Variants in ESRP1 observed in about 807,000 individuals in gnomAD.
ESRP1 encodes RNA-binding motif protein 35A.
In ESRP1, 33 loss-of-function variants were observed where a neutral mutation model predicts 81.7. The observed-to-expected ratio is 0.40, with a 90% CI of 0.31 to 0.54. The LOEUF is 0.54. ESRP1 is among the 20% of genes least tolerant of loss of function. The pLI is 0.41. For missense variants in ESRP1, 672 were observed against 833.1 expected, an observed-to-expected ratio of 0.81 and a Z score of 2.38; for synonymous variants, 320 against 303.3, an observed-to-expected ratio of 1.06 and a Z score of -0.57.
intron 14 of ESRP1, among the ~76,000 whole-genome samples, chr8:94,694,282 G>A (rs1247366884): frequency 6.6e-6 from 1 of 152,158 alleles, no homozygotes; most frequent in Non-Finnish European, 1.5e-5. Context: ...ATATAAATTA[G>A]TAATGAGATT....
chr8:94,660,112 A>G (rs1818641481), intron 4 of ESRP1, among the ~76,000 whole-genome samples: 1 of 152,248 alleles, frequency 6.6e-6, no homozygotes, highest in Non-Finnish European at 1.5e-5. Flanking sequence ...AGGCAGCTAC[A>G]CTAAGCAGAT....
intron 13 of ESRP1, among the ~76,000 whole-genome samples, chr8:94,691,254 T>A (rs779247554): frequency 4.6e-5 from 7 of 152,158 alleles, no homozygotes; most frequent in Admixed American, 1.3e-4. Context: ...TATCTCATAA[T>A]AGAGAGTTGT....
Position 94,662,780 on chromosome 8 carries a change from T to C in ESRP1, c.644+225T>C, listed in dbSNP as rs571820939. Among the ~76,000 whole-genome samples, 9 of 152,250 alleles carry C rather than the reference T, an allele frequency of 5.9e-5. No homozygotes were observed. The East Asian group carries it at 1.7e-3, about 29-fold the overall frequency. On this transcript the variant is annotated intron_variant, in intron 6 of 15. Coordinates refer to ENST00000433389, the MANE Select transcript of ESRP1 (RefSeq NM_017697.4). ...CCGCTACCATACCTGGCTAATTTTTTTGTAGTTTTAGTAGAGATGGGGTTT... is the reference window on the plus strand; with the variant it reads ...CCGCTACCATACCTGGCTAATTTTTCTGTAGTTTTAGTAGAGATGGGGTTT...
At chr8:94,689,855 C>T (rs1164203792) in intron 13 of ESRP1, among the ~76,000 whole-genome samples, 4 of 103,760 alleles carry the variant, frequency 3.9e-5, no homozygotes, top group African/African-American at 1.1e-4. Context: ...CTTGCTCTGT[C>T]GCCCAGGCTG....
intron 10 of ESRP1, among the ~76,000 whole-genome samples, chr8:94,668,789 A>ATGTGTGTGTG (rs71303426): frequency 7.7e-5 from 11 of 143,768 alleles, no homozygotes; most frequent in East Asian, 2.1e-4. Context: ...AGCTTTCAGC[A>ATGTGTGTGTG]TGTGTGTGTG....
intron 9 of ESRP1, among the ~76,000 whole-genome samples, chr8:94,667,068 G>GGTGTGTGTGTGTGTGTGTGT (rs1163646804): frequency 0.014 from 1,956 of 144,270 alleles, 34 homozygotes; most frequent in African/African-American, 0.046. Context: ...CCAGGAGAGG[G>GGTGTGTGTGTGTGTGTGTGT]GTGTGTGTGT....
At chr8:94,688,430 T>G in intron 13 of ESRP1, 1 of 275,920 alleles carries the variant, frequency 3.6e-6, no homozygotes, top group Non-Finnish European at 7.1e-6. Flanking sequence ...CACAGGCAAG[T>G]TAAACAAGTG....
At chr8:94,660,743 A>AC (rs1563525304) in intron 4 of ESRP1, among the ~76,000 whole-genome samples, 2 of 110,984 alleles carry the variant, frequency 1.8e-5, no homozygotes, top group African/African-American at 3.0e-5. Context: ...AAAAAAAAAA[A>AC]CCAAAACAAA....
Position 94,671,519 on chromosome 8 carries a change from C to T in ESRP1, c.1300C>T (p.Pro434Ser), listed in dbSNP as rs762817847. 7 of 1,613,970 alleles carry T rather than the reference C, an allele frequency of 4.3e-6. No homozygotes were observed. Among genetic ancestry groups the T allele is most frequent in the Non-Finnish European group, 5.9e-6 (7 of 1,179,862 alleles). Residue 434 changes from proline to serine, a missense_variant, in exon 11 of 16, where the codon CCT (proline) becomes TCT (serine). Pro to Ser is a moderately conservative substitution (Grantham distance 74). Transcript: ENST00000433389. ...LPTPPIIPVL[P>S]QQFVPPTNVR... ...AACCCCTCCCATTATTCCAGTACTA[C>T]CTCAGCAATTTGTGCCCCCTACAAA... is the stretch of plus-strand genomic sequence containing the variant.
rs549995604 is a variant in ESRP1, at chr8:94,685,075, A to T, written c.1820+6704A>T. Among the ~76,000 whole-genome samples, 4 of 152,054 alleles carry T rather than the reference A, an allele frequency of 2.6e-5. No individual in the cohort carries two copies. The East Asian group carries it at 5.8e-4, about 22-fold the overall frequency. On this transcript the variant is annotated intron_variant, in intron 13 of 15. Transcript: ENST00000433389. Reference sequence around the variant, plus strand: ...TATATGGCAAATCCTCAAATTGTGAATGTTATCAATACTCTCATACTTCTG... The same window carrying T: ...TATATGGCAAATCCTCAAATTGTGATTGTTATCAATACTCTCATACTTCTG...
chr8:94,644,250 T>C (rs1414600053), intron 3 of ESRP1, among the ~76,000 whole-genome samples: 1 of 152,126 alleles, frequency 6.6e-6, no homozygotes, highest in East Asian at 1.9e-4. Flanking sequence ...CTTAAATTAG[T>C]TTGAGCTGTA....
intron 13 of ESRP1, among the ~76,000 whole-genome samples, chr8:94,679,358 T>G (rs1441021793): frequency 6.6e-6 from 1 of 152,228 alleles, no homozygotes; most frequent in Non-Finnish European, 1.5e-5. Context: ...GATGGAATAC[T>G]GTGCCAGACA....
At chr8:94,677,574 A>AT (rs780818178) in intron 12 of ESRP1, among the ~76,000 whole-genome samples, 2 of 152,188 alleles carry the variant, frequency 1.3e-5, no homozygotes, top group East Asian at 3.9e-4. Context: ...CCCAGGTTGG[A>AT]TTTTTTTCTT....
rs571022953 is a variant in ESRP1 at position 94,658,134 on chromosome 8, A to G, written c.491-4138A>G. Among the ~76,000 whole-genome samples the G allele has an allele frequency of 2.0e-5, 3 of 152,118 alleles. No individual in the cohort carries two copies. The South Asian group carries it at 6.2e-4, about 32-fold the overall frequency. On this transcript the variant is annotated intron_variant, in intron 4 of 15. Coordinates refer to ENST00000433389, the MANE Select transcript of ESRP1 (RefSeq NM_017697.4). ...ACCATGTTGGCTAGGCTGATCTCGA[A>G]CTCCTGACCTCCAAGTGATCCACCC... is the stretch of plus-strand genomic sequence containing the variant.
intron 13 of ESRP1, among the ~76,000 whole-genome samples, chr8:94,691,116 G>A (rs1563546222): frequency 6.6e-6 from 1 of 152,150 alleles, no homozygotes; most frequent in Non-Finnish European, 1.5e-5. Flanking sequence ...TCTTTCTCTA[G>A]TCTCACAGTT....
At chr8:94,695,498 G>A (rs1167467042) in intron 14 of ESRP1, among the ~76,000 whole-genome samples, 5 of 150,758 alleles carry the variant, frequency 3.3e-5, no homozygotes, top group Admixed American at 1.3e-4. Flanking sequence ...GGGATTACAC[G>A]TGTGCCACCA....
chr8:94,664,852 A>T (rs148374001), intron 7 of ESRP1, 45 bp downstream of exon 7: 1 of 1,609,436 alleles, frequency 6.2e-7, no homozygotes, highest in Admixed American at 1.7e-5. Context: ...TCCCAAAGGG[A>T]TAATGGATTT....
Position 94,707,172 on chromosome 8 carries a change from T to C in ESRP1, c.*1283T>C, listed in dbSNP as rs1400222227. The C allele has an allele frequency of 6.6e-6, 1 of 152,244 alleles. No individual in the cohort carries two copies. Among genetic ancestry groups the C allele is most frequent in the Non-Finnish European group, 1.5e-5 (1 of 68,050 alleles). The allele number at this position is 152,244 out of a possible 1,614,324, so 9.4% of individuals were successfully genotyped here. A position where few individuals can be genotyped will look rare whatever the true frequency, so the allele number is the denominator to read the frequency against. On this transcript the variant is annotated 3_prime_UTR_variant, in exon 16 of 16. Coordinates refer to ENST00000433389, the MANE Select transcript of ESRP1 (RefSeq NM_017697.4). The stretch of plus-strand genomic sequence containing the variant: ...TGCAGATTTATGAGGCTGCTATTTT[T>C]ATTTTCTGTGCATTACTTTAACACC...
Position 94,681,325 on chromosome 8 carries a change from C to CAAA in ESRP1, c.1820+2980_1820+2982dup, listed in dbSNP as rs1171703394. 1.8e-3 allele frequency among the ~76,000 whole-genome samples: 55 copies of CAAA among 31,282 alleles called. 5 individuals carry two copies. Among genetic ancestry groups the CAAA allele is most frequent in the African/African-American group, 5.0e-3 (40 of 7,924 alleles). The allele number at this position is 31,282 out of a possible 152,430, so 20.5% of individuals were successfully genotyped here. A position where few individuals can be genotyped will look rare whatever the true frequency, so the allele number is the denominator to read the frequency against. On this transcript the variant is annotated intron_variant, in intron 13 of 15. Transcript: ENST00000433389. ...TGGGTGACAGAGCAAGACTCCATCT[C>CAAA]AAAAAAAAAAAAAAAAAAAAAAAAA...
Sources: gnomAD v4.1 joint callset for allele counts (sites outside exome capture counted in the v4.1 genomes callset) on GRCh38, gnomAD v4.1.1 for gene constraint, MANE v1.5 for transcripts, NCBI Gene and HGNC (gene_info 2026-07-23, HGNC 2026-07-21) for gene names.